The following CEACAM5 variants were observed in gnomAD, a reference collection of about 807,000 sequenced individuals.
CEACAM5 encodes cell adhesion molecule CEACAM5.
CEACAM5 carries 52 observed loss-of-function variants against 63.0 expected under a neutral mutation model. The ratio of observed to expected loss-of-function variants is 0.83; its 90% confidence interval spans 0.66 to 1.04. The LOEUF is 1.04. Ranked by LOEUF, CEACAM5 falls within the 50% of genes least tolerant of loss-of-function variation. CEACAM5 has a pLI of 0.00. For missense variants in CEACAM5, 790 were observed against 864.8 expected (o/e 0.91, Z 1.08); for synonymous variants, 357 against 351.3 (o/e 1.02, Z -0.18).
chr19:41,719,812 A>G (rs2122812813), intron 6 of CEACAM5, 118 bp from the exon 7 acceptor site: 4 of 1,542,534 alleles, frequency 2.6e-6, no homozygotes, highest in Non-Finnish European at 3.5e-6. Context: ...CACACCTGCC[A>G]TGGGCTTTTA....
At position 41,720,895 on chromosome 19, in the gene CEACAM5, C is replaced by T. The variant is rs782431349; in HGVS notation, c.1772-27C>T. On this transcript the variant is annotated intron_variant, in intron 7 of 9. Coordinates refer to ENST00000221992, the MANE Select transcript of CEACAM5 (RefSeq NM_004363.6). ...CTTCCCCTTTCCTCTGATGACATCA[C>T]CTGTGGCTTTGTTCTCTTTGTTCCA... 15 of 1,612,838 alleles carry T rather than the reference C, an allele frequency of 9.3e-6. No individual in the cohort carries two copies. The South Asian group carries it at 1.4e-4, about 15-fold the overall frequency.
chr19:41,724,431 C>A (rs1555816746), intron 8 of CEACAM5, among the ~76,000 whole-genome samples: 1 of 151,998 alleles, frequency 6.6e-6, no homozygotes, highest in Non-Finnish European at 1.5e-5. Context: ...CTTTATTTTC[C>A]AGGTTGTTTG....
In CEACAM5 at chr19:41,712,393, C is replaced by T. The variant is rs1244215332; in HGVS notation, c.424+2354C>T. On this transcript the variant is annotated intron_variant, in intron 2 of 9. Coordinates refer to ENST00000221992, the MANE Select transcript of CEACAM5 (RefSeq NM_004363.6). ...CTTAGACTCTACCCAGTTACAAAAA[C>T]TTAAACTCTAGTTGTGTTTTCTGAG... Among the ~76,000 whole-genome samples the T allele has an allele frequency of 2.0e-5, 3 of 152,240 alleles. 1 individual carries two copies. Among genetic ancestry groups the T allele is most frequent in the South Asian group, 4.1e-4 (2 of 4,832 alleles).
intron 8 of CEACAM5, among the ~76,000 whole-genome samples, chr19:41,722,394 CAA>C (rs1341905905): frequency 7.9e-4 from 118 of 149,058 alleles, no homozygotes; most frequent in African/African-American, 2.9e-3. Context: ...AAAAATAAAT[CAA>C]GTCTTTTTAT....
chr19:41,715,294 C>T, intron 3 of CEACAM5, 45 bp downstream of exon 3: 1 of 1,613,052 alleles, frequency 6.2e-7, no homozygotes, highest in Non-Finnish European at 8.5e-7. Context: ...CAGCCCAAAT[C>T]CACAGGGCCA....
In CEACAM5 at chr19:41,718,124, C is replaced by T. The variant is rs1479782105; in HGVS notation, c.1238-4C>T. 2.5e-6 allele frequency: 4 copies of T among 1,613,930 alleles called. No individual in the cohort carries two copies. The highest frequency in any genetic ancestry group is 1.7e-5 in the Admixed American group (1 of 60,000). On this transcript the variant is annotated splice_polypyrimidine_tract_variant and splice_region_variant and intron_variant, in intron 5 of 9. Transcript: ENST00000221992. The stretch of plus-strand genomic sequence containing the variant: ...CACCTGTGGCCCTATTCTCTTTGCT[C>T]CAGATGGCCCAGACGACCCCACCAT...
chr19:41,726,622 C>T (rs1156240529), intron 8 of CEACAM5, among the ~76,000 whole-genome samples: 1 of 152,186 alleles, frequency 6.6e-6, no homozygotes, highest in African/African-American at 2.4e-5. Flanking sequence ...AGAGAGCCCT[C>T]AGACCACGAT....
In CEACAM5 at chr19:41,710,256, G is replaced by A. The variant is rs547970969; in HGVS notation, c.424+217G>A. ...CCTGCAGACACTCACTGCAGAGGAA[G>A]GACAGTCTGATGTGGGGGACTTAGC... is the stretch of plus-strand genomic sequence containing the variant. On this transcript the variant is annotated intron_variant, in intron 2 of 9. Coordinates refer to ENST00000221992, the MANE Select transcript of CEACAM5 (RefSeq NM_004363.6). Among the ~76,000 whole-genome samples the A allele has an allele frequency of 2.0e-5, 3 of 152,296 alleles. No individual in the cohort carries two copies. The South Asian group carries it at 6.2e-4, about 32-fold the overall frequency.
At chr19:41,715,373 C>A in intron 3 of CEACAM5, 124 bp downstream of exon 3, 2 of 1,423,646 alleles carry the variant, frequency 1.4e-6, no homozygotes, top group Non-Finnish European at 9.9e-7. Flanking sequence ...TCCAGACTGT[C>A]TGTGACTTTC....
intron 8 of CEACAM5, among the ~76,000 whole-genome samples, chr19:41,721,986 G>A (rs189576995): frequency 1.3e-5 from 2 of 152,302 alleles, no homozygotes; most frequent in East Asian, 3.9e-4. Flanking sequence ...GGAACAGGCA[G>A]TGCCAAAAAG....
intron 8 of CEACAM5, among the ~76,000 whole-genome samples, chr19:41,722,923 T>G (rs781847579): frequency 7.4e-4 from 112 of 150,912 alleles, no homozygotes; most frequent in Non-Finnish European, 1.5e-3. Context: ...TTGTTTGTTT[T>G]TTGAGATGGA....
At position 41,708,679 on chromosome 19, in the gene CEACAM5, C is replaced by T; in HGVS notation, c.-53C>T. ...GTCACAGCAGCCTTGACAAAACGTT[C>T]CTGGAACTCAAGCTCTTCTCCACAG... On this transcript the variant is annotated 5_prime_UTR_variant, in exon 1 of 10. Transcript: ENST00000221992. 2 of 1,536,598 alleles carry T rather than the reference C, an allele frequency of 1.3e-6. No individual in the cohort carries two copies. The highest frequency in any genetic ancestry group is 1.7e-4 in the Middle Eastern group (1 of 5,894).
chr19:41,709,798 T>A lies in CEACAM5; in HGVS notation c.183T>A (p.His61Gln), dbSNP rs1000204119. The A allele has an allele frequency of 2.5e-6, 4 of 1,614,044 alleles. No individual in the cohort carries two copies. The highest frequency in any genetic ancestry group is 1.3e-5 in the African/African-American group (1 of 74,908). Residue 61 changes from histidine (H) to glutamine (Q), a missense_variant, in exon 2 of 10, where the codon CAT (histidine) becomes CAA (glutamine). His to Gln is a conservative substitution (Grantham distance 24, BLOSUM62 0). Coordinates refer to ENST00000221992, the MANE Select transcript of CEACAM5 (RefSeq NM_004363.6). ...VLLLVHNLPQHLFGYSWYKGE... is the reference protein window; with the variant it reads ...VLLLVHNLPQQLFGYSWYKGE... The stretch of plus-strand genomic sequence containing the variant: ...TACTTGTCCACAATCTGCCCCAGCA[T>A]CTTTTTGGCTACAGCTGGTACAAAG...
chr19:41,714,377 C>A (rs989971185), intron 2 of CEACAM5, among the ~76,000 whole-genome samples: 1 of 152,184 alleles, frequency 6.6e-6, no homozygotes, highest in South Asian at 2.1e-4. Context: ...AAAAACTGCC[C>A]CACCTTGTGC....
intron 8 of CEACAM5, among the ~76,000 whole-genome samples, chr19:41,723,209 G>T (rs556614153): frequency 1.2e-4 from 19 of 152,198 alleles, no homozygotes; most frequent in Non-Finnish European, 1.5e-5. Context: ...ACCGTGTCCG[G>T]CCCCAAATGT....
At chr19:41,721,405 C>T (rs1600472886) in intron 8 of CEACAM5, among the ~76,000 whole-genome samples, 1 of 152,366 alleles carries the variant, frequency 6.6e-6, no homozygotes, top group African/African-American at 2.4e-5. Flanking sequence ...GGGGAGGGGC[C>T]TCCCTTAGCC....
chr19:41,721,809 A>AAT (rs1157958524), intron 8 of CEACAM5, among the ~76,000 whole-genome samples: 9 of 152,330 alleles, frequency 5.9e-5, no homozygotes, highest in African/African-American at 2.2e-4. Flanking sequence ...GTTGCAGGGA[A>AAT]ATGGGAAAAG....
intron 8 of CEACAM5, among the ~76,000 whole-genome samples, chr19:41,723,898 G>A (rs1289225591): frequency 6.7e-6 from 1 of 148,878 alleles, no homozygotes; most frequent in African/African-American, 2.5e-5. Context: ...GCAGTGAGCT[G>A]AGATCGCACC....
chr19:41,723,418 G>A (rs1157240778), intron 8 of CEACAM5, among the ~76,000 whole-genome samples: 1 of 152,134 alleles, frequency 6.6e-6, no homozygotes, highest in Non-Finnish European at 1.5e-5. Flanking sequence ...TGTTAGTGAT[G>A]TTGAGCATAT....
Sources: allele counts gnomAD v4.1 joint callset (sites outside exome capture counted in the v4.1 genomes callset), GRCh38; gene constraint gnomAD v4.1.1; transcripts MANE v1.5; gene names NCBI Gene and HGNC (gene_info 2026-07-23, HGNC 2026-07-21).